ZNF714: variants seen among roughly 807,000 people sequenced by gnomAD.
The protein encoded by ZNF714 is zinc finger protein 714.
Under a neutral mutation model 46.2 loss-of-function variants are expected in ZNF714, and 32 were observed. The ratio of observed to expected loss-of-function variants is 0.69; its 90% CI spans 0.52 to 0.93. ZNF714 has a LOEUF of 0.93. Among genes scored for constraint, ZNF714 ranks in the 40% least tolerant of loss-of-function variants. The probability of loss-of-function intolerance (pLI) is 0.00; values close to 1 mark genes in which losing one functional copy is unlikely to be tolerated. For missense variants in ZNF714, 635 were observed against 646.3 expected, an observed-to-expected ratio of 0.98 and a Z score of 0.19; for synonymous variants, 199 against 213.1, an observed-to-expected ratio of 0.93 and a Z score of 0.58.
chr19:21,088,113 A>G (rs1176553212), intron 2 of ZNF714, among the ~76,000 whole-genome samples: 1 of 152,192 alleles, frequency 6.6e-6, no homozygotes, highest in African/African-American at 2.4e-5. Context: ...TAAAGCAGGC[A>G]AGTTGTACAG....
chr19:21,103,785 A>G (rs115756082), intron 4 of ZNF714, among the ~76,000 whole-genome samples: 248 of 152,078 alleles, frequency 1.6e-3, no homozygotes, highest in African/African-American at 5.6e-3. Context: ...GGTCCCAGCT[A>G]TTTGGGAGAT....
intron 2 of ZNF714, among the ~76,000 whole-genome samples, chr19:21,097,601 T>C (rs1969073501): frequency 6.6e-6 from 1 of 152,168 alleles, no homozygotes; most frequent in Non-Finnish European, 1.5e-5. Context: ...TGCACATATG[T>C]GTCTTTGGAA....
At chr19:21,083,894 T>G in intron 1 of ZNF714, 84 bp from the exon 2 acceptor site, 1 of 672,224 alleles carries the variant, frequency 1.5e-6, no homozygotes, top group Non-Finnish European at 2.1e-6. Context: ...CAGTACTGTC[T>G]GGGGATCAAC....
At chr19:21,103,633 G>T (rs1198962026) in intron 4 of ZNF714, among the ~76,000 whole-genome samples, 1 of 152,144 alleles carries the variant, frequency 6.6e-6, no homozygotes, top group Non-Finnish European at 1.5e-5. Flanking sequence ...TTCAGGGCCA[G>T]ACGTGGTGGC....
chr19:21,111,594 C>T (rs1285014093), intron 4 of ZNF714, among the ~76,000 whole-genome samples: 2 of 152,132 alleles, frequency 1.3e-5, no homozygotes, highest in South Asian at 2.1e-4. Flanking sequence ...TGCCTGATTT[C>T]GCTGGCTGGA....
intron 4 of ZNF714, among the ~76,000 whole-genome samples, chr19:21,105,187 C>T (rs1428940025): frequency 6.6e-6 from 1 of 151,798 alleles, no homozygotes; most frequent in African/African-American, 2.4e-5. Context: ...TACCACCATG[C>T]CTGGCTGACT....
Position 21,122,896 on chromosome 19 carries a change from T to A in ZNF714, c.*4564T>A, listed in dbSNP as rs533552031. On this transcript the variant is annotated 3_prime_UTR_variant, in exon 5 of 5. Coordinates refer to ENST00000456283, the MANE Select transcript of ZNF714 (RefSeq NM_182515.4). ...AAAGCCAGGTGTGGTGGCTCACGCC[T>A]CTAATCCCAGCACTTTGAGAGGCCG... 6.6e-6 allele frequency: 1 copy of A among 152,236 alleles called. No homozygotes were observed. Among genetic ancestry groups the A allele is most frequent in the South Asian group, 2.1e-4 (1 of 4,820 alleles). The allele number at this position is 152,236 out of a possible 1,614,324, so 9.4% of individuals were successfully genotyped here.
chr19:21,098,871 T>G lies in ZNF714; in HGVS notation c.103T>G (p.Trp35Gly). ...ITSLEQEKEP[W>G]NMKICEMVDE... ...CAGTCTAGAGCAAGAAAAAGAGCCC[T>G]GGAATATGAAGATATGTGAGATGGT... The change falls in exon 4 of 5, where the codon TGG (tryptophan) becomes GGG (glycine). Residue 35 changes from tryptophan (W) to glycine (G), a missense_variant. Trp to Gly is a radical substitution (Grantham distance 184). Coordinates refer to ENST00000456283, the MANE Select transcript of ZNF714 (RefSeq NM_182515.4). 6.2e-7 allele frequency: 1 copy of G among 1,610,752 alleles called. No homozygotes were observed. Among genetic ancestry groups the G allele is most frequent in the Non-Finnish European group, 8.5e-7 (1 of 1,178,672 alleles).
chr19:21,114,825 A>G (rs741675), intron 4 of ZNF714, among the ~76,000 whole-genome samples: 5,989 of 152,222 alleles, frequency 0.039, 393 homozygotes, highest in African/African-American at 0.14. Flanking sequence ...TAATAGCTCT[A>G]TCTAGCAAGG....
At chr19:21,114,639 A>T (rs745827839) in intron 4 of ZNF714, among the ~76,000 whole-genome samples, 1 of 152,132 alleles carries the variant, frequency 6.6e-6, no homozygotes, top group African/African-American at 2.4e-5. Flanking sequence ...CATTCAGCCT[A>T]TTACATTTAA....
At position 21,118,665 on chromosome 19, in the gene ZNF714, C is replaced by T. The variant is rs558564331; in HGVS notation, c.*333C>T. On this transcript the variant is annotated 3_prime_UTR_variant, in exon 5 of 5. Coordinates refer to ENST00000456283, the MANE Select transcript of ZNF714 (RefSeq NM_182515.4). ...AAATTCATACTGTACAGAAACCCTA[C>T]GAGGGTGAAAAACATGGCAAAGCCT... 22 of 218,088 alleles carry T rather than the reference C, an allele frequency of 1.0e-4. 1 individual carries two copies. In the South Asian group the frequency reaches 1.3e-3, roughly 13 times the overall value. The allele number at this position is 218,088 out of a possible 1,614,324, so 13.5% of individuals were successfully genotyped here.
Position 21,082,220 on chromosome 19 carries a change from G to C in ZNF714, c.-305G>C. On this transcript the variant is annotated 5_prime_UTR_variant, in exon 1 of 5. Transcript: ENST00000456283. ...GGGCCTTTGTCTCTCGCTGCAGCTGGAGCTGCAGGTCTCGCCTTCACTGCC... is the reference window on the plus strand; with the variant it reads ...GGGCCTTTGTCTCTCGCTGCAGCTGCAGCTGCAGGTCTCGCCTTCACTGCC... 1 of 978,284 alleles carries C rather than the reference G, an allele frequency of 1.0e-6. No individual in the cohort carries two copies. The allele number at this position is 978,284 out of a possible 1,614,324, so 60.6% of individuals were successfully genotyped here. A position where few individuals can be genotyped will look rare whatever the true frequency, so the allele number is the denominator to read the frequency against.
Position 21,117,794 on chromosome 19 carries a change from C to A in ZNF714, c.1130C>A (p.Ala377Asp). ...KPYKCEECGK[A>D]FNHSSKLTIH... is the part of the protein sequence containing the mutation. The stretch of plus-strand genomic sequence containing the variant: ...TACAAATGTGAAGAATGTGGCAAAG[C>A]CTTTAACCACTCCTCAAAACTTACT... The change falls in exon 5 of 5, where the codon GCC becomes GAC. Residue 377 changes from alanine (A) to aspartate (D), a missense_variant. By Grantham distance (126) the Ala-to-Asp change is moderately radical. Transcript: ENST00000456283. 1 of 1,612,454 alleles carries A rather than the reference C, an allele frequency of 6.2e-7. No individual in the cohort carries two copies. The highest frequency in any genetic ancestry group is 8.5e-7 in the Non-Finnish European group (1 of 1,179,156).
intron 2 of ZNF714, among the ~76,000 whole-genome samples, chr19:21,085,450 C>CT (rs1968753683): frequency 6.6e-6 from 1 of 152,186 alleles, no homozygotes; most frequent in Non-Finnish European, 1.5e-5. Flanking sequence ...GATACTTTTG[C>CT]TTTTTTTATT....
At chr19:21,113,000 C>T (rs8182465) in intron 4 of ZNF714, 124,643 of 150,832 alleles carry the variant, frequency 0.83, 53,180 homozygotes, top group Middle Eastern at 0.94. Flanking sequence ...TATTATGTAT[C>T]TTTAGTAGAC....
intron 2 of ZNF714, among the ~76,000 whole-genome samples, chr19:21,094,626 A>G (rs1039858464): frequency 6.6e-6 from 1 of 152,174 alleles, no homozygotes; most frequent in African/African-American, 2.4e-5. Context: ...TCCTTGATTC[A>G]ATAGATTCTC....
At chr19:21,088,692 A>G (rs554426796) in intron 2 of ZNF714, among the ~76,000 whole-genome samples, 56 of 152,338 alleles carry the variant, frequency 3.7e-4, no homozygotes, top group Non-Finnish European at 6.3e-4. Context: ...TAAACCAATT[A>G]ATCAGGGTTC....
At chr19:21,101,911 C>T (rs1210671131) in intron 4 of ZNF714, among the ~76,000 whole-genome samples, 1 of 152,200 alleles carries the variant, frequency 6.6e-6, no homozygotes, top group Non-Finnish European at 1.5e-5. Context: ...ACTCCTCAAT[C>T]TTGGGCTTTA....
At chr19:21,107,675 G>A (rs1173050770) in intron 4 of ZNF714, among the ~76,000 whole-genome samples, 1 of 152,134 alleles carries the variant, frequency 6.6e-6, no homozygotes, top group African/African-American at 2.4e-5. Flanking sequence ...ATACGTTGAA[G>A]AGTGTCTTTT....
Sources: allele counts gnomAD v4.1 joint callset (sites outside exome capture counted in the v4.1 genomes callset), GRCh38; gene constraint gnomAD v4.1.1; transcripts MANE v1.5; gene names NCBI Gene and HGNC (gene_info 2026-07-23, HGNC 2026-07-21).